WDR47: variants seen among roughly 807,000 people sequenced by gnomAD.
WDR47 encodes WD repeat-containing protein 47.
In WDR47, 32 loss-of-function variants were observed where a neutral mutation model predicts 97.2. The observed-to-expected ratio is 0.33, with a 90% CI of 0.25 to 0.44. The LOEUF (loss-of-function observed/expected upper bound fraction) is 0.44, where lower values mean the gene tolerates loss of function less well. Among genes scored for constraint, WDR47 ranks in the 20% least tolerant of loss-of-function variants. WDR47 has a pLI of 1.00. For synonymous variants in WDR47, 375 were observed against 373.5 expected, an observed-to-expected ratio of 1.00 and a Z score of -0.05; for missense variants, 782 against 1,102.3, an observed-to-expected ratio of 0.71 and a Z score of 4.11.
At chr1:109,010,023 AC>A (rs1402079523) in intron 5 of WDR47, among the ~76,000 whole-genome samples, 1 of 151,876 alleles carries the variant, frequency 6.6e-6, no homozygotes, top group Non-Finnish European at 1.5e-5. Flanking sequence ...AAACAAAAAA[AC>A]ATACTCATAG....
Position 109,013,841 on chromosome 1 carries a change from A to G in WDR47, c.327T>C (p.His109=). 1 of 1,613,282 alleles carries G rather than the reference A, an allele frequency of 6.2e-7. No homozygotes were observed. Among genetic ancestry groups the G allele is most frequent in the East Asian group, 2.2e-5 (1 of 44,848 alleles). ...AAACCTTCAGGAATAAAAATCTTAC[A>G]TGCTGGGGCTCATCTTCTGCTGACA... The part of the protein sequence containing the change: ...NAMSAEDEPQ[H]LEFTMQEAVQ... The change falls in exon 4 of 15, where the codon CAT becomes CAC. Residue 109 remains histidine, a splice_region_variant and synonymous_variant. Coordinates refer to ENST00000369962, the MANE Select transcript of WDR47 (RefSeq NM_001142551.2).
At chr1:108,981,083 A>G (rs1327346146) in intron 13 of WDR47, among the ~76,000 whole-genome samples, 1 of 149,154 alleles carries the variant, frequency 6.7e-6, no homozygotes, top group Admixed American at 6.7e-5. Flanking sequence ...AGCCAAGATC[A>G]CGCCACTGCA....
In WDR47 at chr1:108,986,773, A is replaced by T. The variant is rs147139229; in HGVS notation, c.1768-93T>A. 1.6e-3 allele frequency: 1,809 copies of T among 1,108,632 alleles called. 27 individuals are homozygous for T. In the African/African-American group the frequency reaches 0.026, roughly 16 times the overall value. 68.7% of individuals were successfully genotyped at this position (1,108,632 alleles called of 1,614,324 possible). On this transcript the variant is annotated intron_variant, in intron 9 of 14. Transcript: ENST00000369962. ...ATTTTAAATTCATTTGAACTTTATT[A>T]TTCTTGTTGGATCATGTTAGGTTTA...
chr1:108,986,600 T>G lies in WDR47; in HGVS notation c.1848A>C (p.Pro616=). The change falls in exon 10 of 15, where the codon CCA becomes CCC. Residue 616 remains proline, a synonymous_variant. Transcript: ENST00000369962. ...TQAVRAVAFH[P]AGGLYAVGSN... is the part of the protein sequence containing the mutation. ...AACCAACAGCATATAAACCTCCAGC[T>G]GGATGAAAAGCCACTGCTCTAACAG... The G allele has an allele frequency of 3.7e-6, 6 of 1,613,858 alleles. No individual in the cohort carries two copies. The highest frequency in any genetic ancestry group is 5.1e-6 in the Non-Finnish European group (6 of 1,179,828).
At chr1:109,027,140 C>T (rs554924622) in intron 1 of WDR47, among the ~76,000 whole-genome samples, 2 of 151,998 alleles carry the variant, frequency 1.3e-5, no homozygotes, top group African/African-American at 4.8e-5. Context: ...CTGCAACCTC[C>T]GCCTCCCAGG....
At chr1:109,035,584 G>T (rs1662891355) in intron 1 of WDR47, among the ~76,000 whole-genome samples, 1 of 148,626 alleles carries the variant, frequency 6.7e-6, no homozygotes, top group African/African-American at 2.5e-5. Flanking sequence ...TGCAATCTCT[G>T]CCTCCTGGGC....
chr1:109,030,107 AGAG>A, intron 1 of WDR47: 1 of 1,041,294 alleles, frequency 9.6e-7, no homozygotes. Context: ...CCCCAGAAGA[AGAG>A]AAGAAGAAAC....
At chr1:109,019,962 A>G (rs563850417) in intron 2 of WDR47, among the ~76,000 whole-genome samples, 12 of 152,150 alleles carry the variant, frequency 7.9e-5, no homozygotes, top group Non-Finnish European at 1.8e-4. Flanking sequence ...TAATAAAAGC[A>G]AGATGGGCAC....
chr1:108,997,525 G>A (rs1659845523), intron 7 of WDR47, among the ~76,000 whole-genome samples: 1 of 151,950 alleles, frequency 6.6e-6, no homozygotes, highest in South Asian at 2.1e-4. Flanking sequence ...GGGAGACCGA[G>A]GCGGGCGGAT....
intron 6 of WDR47, among the ~76,000 whole-genome samples, chr1:109,002,795 C>G (rs1660315649): frequency 6.6e-6 from 1 of 151,976 alleles, no homozygotes; most frequent in African/African-American, 2.4e-5. Flanking sequence ...AATGAGATAC[C>G]AACTTACCCC....
intron 8 of WDR47, chr1:108,992,187 G>C: frequency 1.4e-6 from 1 of 706,246 alleles, no homozygotes; most frequent in Admixed American, 2.4e-5. Flanking sequence ...TTTTAAAAAG[G>C]AAAAGAAATT....
At position 109,017,907 on chromosome 1, in the gene WDR47, C is replaced by T. The variant is rs539763600; in HGVS notation, c.159-306G>A. 6.1e-4 allele frequency among the ~76,000 whole-genome samples: 93 copies of T among 151,780 alleles called. 1 individual carries two copies. The highest frequency in any genetic ancestry group is 1.0e-3 in the Non-Finnish European group (69 of 67,918). On this transcript the variant is annotated intron_variant, in intron 2 of 14. Transcript: ENST00000369962. ...GACTATAGGCTCGCACCACTAAGCCCCACTAATTCTTTTCTATTTTTAGTA... is the reference window on the plus strand; with the variant it reads ...GACTATAGGCTCGCACCACTAAGCCTCACTAATTCTTTTCTATTTTTAGTA...
At chr1:108,985,615 T>C (rs1381789660) in intron 10 of WDR47, among the ~76,000 whole-genome samples, 3 of 152,204 alleles carry the variant, frequency 2.0e-5, no homozygotes, top group Non-Finnish European at 4.4e-5. Context: ...ACCTAGCACA[T>C]AGGAGCCCAA....
At chr1:108,990,349 C>T (rs1173044829) in intron 9 of WDR47, among the ~76,000 whole-genome samples, 1 of 152,084 alleles carries the variant, frequency 6.6e-6, no homozygotes, top group East Asian at 1.9e-4. Context: ...GCTAGCATTA[C>T]AGGCGTGAAC....
intron 7 of WDR47, among the ~76,000 whole-genome samples, chr1:108,998,067 ATAAT>A (rs1474605310): frequency 6.6e-6 from 1 of 152,252 alleles, no homozygotes; most frequent in Admixed American, 6.5e-5. Context: ...GTTAAAAATT[ATAAT>A]TAAGTAGCAT....
At chr1:109,024,703 G>A (rs1662079133) in intron 1 of WDR47, among the ~76,000 whole-genome samples, 1 of 152,290 alleles carries the variant, frequency 6.6e-6, no homozygotes, top group African/African-American at 2.4e-5. Flanking sequence ...AAATGTTAAG[G>A]TTCAGAGCAA....
intron 1 of WDR47, chr1:109,030,427 C>T (rs548798779): frequency 1.3e-4 from 44 of 350,154 alleles, no homozygotes; most frequent in Admixed American, 1.1e-3. Flanking sequence ...ATCTGCAATG[C>T]GGTTACTTAA....
At chr1:109,006,071 A>G (rs966376230) in intron 5 of WDR47, among the ~76,000 whole-genome samples, 10 of 151,944 alleles carry the variant, frequency 6.6e-5, no homozygotes, top group African/African-American at 2.4e-4. Context: ...GTTTCTATAG[A>G]TTTTTAAGAA....
intron 7 of WDR47, among the ~76,000 whole-genome samples, chr1:109,001,862 G>A (rs998070551): frequency 6.6e-6 from 1 of 151,992 alleles, no homozygotes; most frequent in Non-Finnish European, 1.5e-5. Context: ...CTGCACTCCA[G>A]ACTGGGCGAC....
Sources: allele counts gnomAD v4.1 joint callset (sites outside exome capture counted in the v4.1 genomes callset), GRCh38; gene constraint gnomAD v4.1.1; transcripts MANE v1.5; gene names NCBI Gene and HGNC (gene_info 2026-07-23, HGNC 2026-07-21).